Variants in LDB2 observed in about 807,000 individuals in gnomAD.
LDB2 encodes the protein LIM domain binding 2.
Under a neutral mutation model 44.3 loss-of-function variants are expected in LDB2, and 12 were observed. The observed-to-expected ratio is 0.27, with a 90% CI of 0.17 to 0.44. LDB2 has a LOEUF of 0.44. Ranked by LOEUF, LDB2 falls within the 20% of genes least tolerant of loss-of-function variation. The pLI is 1.00. For synonymous variants in LDB2, 164 were observed against 174.8 expected, an observed-to-expected ratio of 0.94 and a Z score of 0.49; for missense variants, 344 against 473.5, an observed-to-expected ratio of 0.73 and a Z score of 2.54.
chr4:16,893,758 C>T (rs556131615), intron 1 of LDB2, among the ~76,000 whole-genome samples: 13 of 151,318 alleles, frequency 8.6e-5, no homozygotes, highest in African/African-American at 2.2e-4. Flanking sequence ...AAATACATAA[C>T]GGAACTCACA....
At chr4:16,519,911 G>A (rs554070648) in intron 5 of LDB2, among the ~76,000 whole-genome samples, 8 of 152,012 alleles carry the variant, frequency 5.3e-5, no homozygotes, top group Admixed American at 1.3e-4. Context: ...TGAGCCAGGC[G>A]CTCAATGTAT....
At chr4:16,881,902 C>T (rs763378601) in intron 1 of LDB2, among the ~76,000 whole-genome samples, 17 of 152,128 alleles carry the variant, frequency 1.1e-4, no homozygotes, top group South Asian at 2.1e-4. Flanking sequence ...GAGATGTTTA[C>T]GCAGTCTAAT....
At chr4:16,897,914 A>ATATATATATATATACACATATG (rs1725633116) in intron 1 of LDB2, among the ~76,000 whole-genome samples, 1 of 16,110 alleles carries the variant, frequency 6.2e-5, no homozygotes. Context: ...ATATATATAT[A>ATATATATATATATACACATATG]TATATATATA....
At chr4:16,542,395 A>C (rs935772818) in intron 5 of LDB2, among the ~76,000 whole-genome samples, 2 of 152,232 alleles carry the variant, frequency 1.3e-5, no homozygotes, top group Non-Finnish European at 2.9e-5. Flanking sequence ...TGAGGATAGC[A>C]GGTTTGATGG....
chr4:16,897,191 T>C (rs1337760350), intron 1 of LDB2, among the ~76,000 whole-genome samples: 1 of 152,200 alleles, frequency 6.6e-6, no homozygotes, highest in African/African-American at 2.4e-5. Flanking sequence ...TTTTATCCCA[T>C]AGCACAAACT....
chr4:16,784,004 A>G (rs1261774638), intron 1 of LDB2, among the ~76,000 whole-genome samples: 2 of 152,256 alleles, frequency 1.3e-5, no homozygotes, highest in South Asian at 4.1e-4. Flanking sequence ...GACAAGAATC[A>G]GATTATACAG....
At chr4:16,547,209 G>C (rs1236218230) in intron 5 of LDB2, among the ~76,000 whole-genome samples, 1 of 152,134 alleles carries the variant, frequency 6.6e-6, no homozygotes, top group Non-Finnish European at 1.5e-5. Flanking sequence ...AGAAATTGGA[G>C]TTAGGCTCGC....
chr4:16,892,849 A>C (rs1444286272), intron 1 of LDB2, among the ~76,000 whole-genome samples: 1 of 152,192 alleles, frequency 6.6e-6, no homozygotes, highest in Non-Finnish European at 1.5e-5. Flanking sequence ...CCTACATCAT[A>C]ATTTACACAC....
At chr4:16,854,974 C>G (rs548767617) in intron 1 of LDB2, among the ~76,000 whole-genome samples, 2 of 151,408 alleles carry the variant, frequency 1.3e-5, no homozygotes, top group East Asian at 3.9e-4. Context: ...TATAATTTCA[C>G]TTCTAAAAAT....
intron 2 of LDB2, among the ~76,000 whole-genome samples, chr4:16,623,533 G>A (rs768701844): frequency 3.3e-5 from 5 of 152,248 alleles, no homozygotes; most frequent in African/African-American, 4.8e-5. Context: ...GGAGGCGGAC[G>A]TTGCAGTGAG....
At chr4:16,555,074 C>T (rs143974004) in intron 5 of LDB2, among the ~76,000 whole-genome samples, 1 of 142,070 alleles carries the variant, frequency 7.0e-6, no homozygotes, top group East Asian at 2.1e-4. Context: ...GAACCTAAAA[C>T]TGCTCTGAAA....
intron 5 of LDB2, among the ~76,000 whole-genome samples, chr4:16,553,201 C>G (rs908788047): frequency 2.0e-5 from 3 of 152,202 alleles, no homozygotes; most frequent in African/African-American, 7.2e-5. Context: ...GTCGCCTAGG[C>G]TGGAGTGCAG....
chr4:16,549,994 C>T (rs1414510501), intron 5 of LDB2, among the ~76,000 whole-genome samples: 4 of 152,150 alleles, frequency 2.6e-5, no homozygotes, highest in Non-Finnish European at 4.4e-5. Flanking sequence ...CTGAGCTTGC[C>T]CAATCTGTAT....
intron 1 of LDB2, among the ~76,000 whole-genome samples, chr4:16,789,121 G>GC (rs755032379): frequency 1.5e-4 from 23 of 152,168 alleles, no homozygotes; most frequent in Non-Finnish European, 3.2e-4. Flanking sequence ...GAAAGAGGTG[G>GC]CCTGAGAAGA....
At chr4:16,826,414 A>G (rs1362724180) in intron 1 of LDB2, 1 of 152,260 alleles carries the variant, frequency 6.6e-6, no homozygotes, top group African/African-American at 2.4e-5. Flanking sequence ...AAACAAAAAC[A>G]TAAATATTAC....
Position 16,832,653 on chromosome 4 carries a change from G to C in LDB2, c.132+65701C>G, listed in dbSNP as rs188060104. On this transcript the variant is annotated intron_variant, in intron 1 of 7. Coordinates refer to ENST00000304523, the MANE Select transcript of LDB2 (RefSeq NM_001290.5). The stretch of plus-strand genomic sequence containing the variant: ...ACAGCCCAAGTCTTGAAGTTGATTA[G>C]AAGAGAGATAAGTAACTGGCTTAGA... Among the ~76,000 whole-genome samples the C allele has an allele frequency of 1.5e-3, 232 of 152,286 alleles. 3 individuals are homozygous for C. The highest frequency in any genetic ancestry group is 4.7e-4 in the Non-Finnish European group (32 of 68,028).
chr4:16,833,673 G>C (rs1784415525), intron 1 of LDB2, among the ~76,000 whole-genome samples: 1 of 151,972 alleles, frequency 6.6e-6, no homozygotes, highest in Non-Finnish European at 1.5e-5. Context: ...CTCCCGAGTA[G>C]CTGGGACTAC....
intron 2 of LDB2, among the ~76,000 whole-genome samples, chr4:16,683,126 T>C (rs1748368212): frequency 6.6e-6 from 1 of 152,074 alleles, no homozygotes; most frequent in Non-Finnish European, 1.5e-5. Context: ...GTTTATGGAG[T>C]ACCGCACCTC....
Position 16,592,465 on chromosome 4 carries a change from CATATATATATATAT to C in LDB2, c.408+3224_408+3237del, listed in dbSNP as rs71589671. Among the ~76,000 whole-genome samples the C allele has an allele frequency of 5.7e-3, 667 of 116,614 alleles. 17 individuals are homozygous for C. Among genetic ancestry groups the C allele is most frequent in the African/African-American group, 0.02 (570 of 28,106 alleles). 76.5% of individuals were successfully genotyped at this position (116,614 alleles called of 152,430 possible). A position where few individuals can be genotyped will look rare whatever the true frequency, so the allele number is the denominator to read the frequency against. On this transcript the variant is annotated intron_variant, in intron 3 of 7. Coordinates refer to ENST00000304523, the MANE Select transcript of LDB2 (RefSeq NM_001290.5). ...AACGCATTCATATGCATTATACATA[CATATATATATATAT>C]ATATATATATATATATATATATATA...
Sources: allele counts gnomAD v4.1 joint callset (sites outside exome capture counted in the v4.1 genomes callset), GRCh38; gene constraint gnomAD v4.1.1; transcripts MANE v1.5; gene names NCBI Gene and HGNC (gene_info 2026-07-23, HGNC 2026-07-21).